Variants in CDH11 observed in about 807,000 individuals in gnomAD.
The protein encoded by CDH11 is cadherin 11.
In CDH11, 11 loss-of-function variants were observed where a neutral mutation model predicts 67.8. The observed-to-expected ratio is 0.16, with a 90% CI of 0.10 to 0.27. CDH11 has a LOEUF of 0.27. CDH11 is among the 10% of genes least tolerant of loss of function. The pLI is 1.00. For missense variants in CDH11, 847 were observed against 1,031.2 expected (o/e 0.82, Z 2.45); for synonymous variants, 419 against 400.0 (o/e 1.05, Z -0.57).
At chr16:64,974,002 G>T (rs1473794080) in intron 8 of CDH11, among the ~76,000 whole-genome samples, 2 of 152,096 alleles carry the variant, frequency 1.3e-5, no homozygotes, top group African/African-American at 4.8e-5. Flanking sequence ...ACAGCTTGAA[G>T]ATTTTAGTTA....
chr16:65,093,983 C>G (rs891295939), intron 1 of CDH11, among the ~76,000 whole-genome samples: 3 of 152,156 alleles, frequency 2.0e-5, no homozygotes, highest in Non-Finnish European at 2.9e-5. Flanking sequence ...AAGCAAGCCT[C>G]CAGGAGAAAG....
rs1430887428 is a variant in CDH11 at position 64,998,618 on chromosome 16, G to A, written c.467C>T (p.Pro156Leu). The change falls in exon 4 of 13, where the codon CCT becomes CTT. Residue 156 changes from proline to leucine, a missense_variant. Coordinates refer to ENST00000268603, the MANE Select transcript of CDH11 (RefSeq NM_001797.4). The part of the protein sequence containing the change: ...IVKVQDINDN[P>L]PEFLHETYHA... The stretch of plus-strand genomic sequence containing the variant: ...ATAGGTCTCGTGCAGGAACTCCGGA[G>A]GGTTGTCATTAATGTCCTGGACCTT... The A allele has an allele frequency of 6.8e-6, 11 of 1,614,088 alleles. No homozygotes were observed. Among genetic ancestry groups the A allele is most frequent in the Non-Finnish European group, 9.3e-6 (11 of 1,180,034 alleles).
chr16:65,078,846 A>T (rs925131143), intron 1 of CDH11, among the ~76,000 whole-genome samples: 4 of 152,216 alleles, frequency 2.6e-5, no homozygotes, highest in Non-Finnish European at 5.9e-5. Context: ...TATTTGGCAG[A>T]ATGTCAACCA....
At chr16:64,966,153 G>A (rs1019368751) in intron 11 of CDH11, among the ~76,000 whole-genome samples, 3 of 151,976 alleles carry the variant, frequency 2.0e-5, no homozygotes, top group Admixed American at 6.6e-5. Flanking sequence ...AAAATGTAAA[G>A]TAGCTAACCA....
intron 2 of CDH11, among the ~76,000 whole-genome samples, chr16:65,011,422 T>G (rs2073182613): frequency 6.6e-6 from 1 of 152,126 alleles, no homozygotes; most frequent in Non-Finnish European, 1.5e-5. Flanking sequence ...TTCCACTTAT[T>G]TTTTAAGTAA....
intron 2 of CDH11, among the ~76,000 whole-genome samples, chr16:65,038,220 G>A (rs557120412): frequency 2.0e-5 from 3 of 152,068 alleles, no homozygotes; most frequent in Admixed American, 6.6e-5. Context: ...ATTACAAGCA[G>A]AGCTTTTGTT....
At chr16:64,971,540 G>A (rs781186581) in intron 11 of CDH11, 39 bp downstream of exon 11, 1 of 1,216,952 alleles carries the variant, frequency 8.2e-7, no homozygotes. Flanking sequence ...TTGTTTTCCA[G>A]TTCTACTTCT....
At position 64,988,282 on chromosome 16, in the gene CDH11, C is replaced by T; in HGVS notation, c.874G>A (p.Ala292Thr). ...TTTTCTCCAATGTCTGGATCTTTAGCTTTCACTCTTCCTACTTCCTCCCCA... is the reference window on the plus strand; with the variant it reads ...TTTTCTCCAATGTCTGGATCTTTAGTTTTCACTCTTCCTACTTCCTCCCCA... ...VPGEEVGRVK[A>T]KDPDIGENGL... Residue 292 changes from alanine to threonine, a missense_variant, in exon 7 of 13, where the codon GCT becomes ACT. Physicochemically the swap from Ala to Thr is moderately conservative, Grantham distance 58. Transcript: ENST00000268603. 6.2e-7 allele frequency: 1 copy of T among 1,613,732 alleles called. No homozygotes were observed. The highest frequency in any genetic ancestry group is 8.5e-7 in the Non-Finnish European group (1 of 1,179,768).
chr16:64,980,506 G>A (rs1259448984), intron 8 of CDH11, among the ~76,000 whole-genome samples: 1 of 152,116 alleles, frequency 6.6e-6, no homozygotes, highest in Non-Finnish European at 1.5e-5. Context: ...AAGTGGAGAT[G>A]GAGAAAATGA....
intron 11 of CDH11, among the ~76,000 whole-genome samples, chr16:64,966,844 A>G (rs560734618): frequency 3.3e-5 from 5 of 152,312 alleles, no homozygotes; most frequent in Non-Finnish European, 7.4e-5. Flanking sequence ...TGCAGTAGGT[A>G]TGGTAGGTCA....
At chr16:65,001,078 T>G (rs1271083264) in intron 3 of CDH11, among the ~76,000 whole-genome samples, 2 of 152,120 alleles carry the variant, frequency 1.3e-5, no homozygotes, top group Non-Finnish European at 2.9e-5. Flanking sequence ...AATTTTGTAT[T>G]GTTTCAATAT....
chr16:64,984,104 G>C (rs991814498), intron 7 of CDH11, among the ~76,000 whole-genome samples: 3 of 152,168 alleles, frequency 2.0e-5, no homozygotes, highest in Non-Finnish European at 4.4e-5. Flanking sequence ...AGTTTGGCGA[G>C]ATTCCAAGTC....
At chr16:64,985,729 T>C (rs1435583301) in intron 7 of CDH11, 1 of 147,830 alleles carries the variant, frequency 6.8e-6, no homozygotes, top group Admixed American at 6.9e-5. Flanking sequence ...TTGGGTGGGG[T>C]AGAGCACGTG....
intron 1 of CDH11, among the ~76,000 whole-genome samples, chr16:65,065,180 C>T (rs1410713162): frequency 6.6e-6 from 1 of 152,096 alleles, no homozygotes; most frequent in Non-Finnish European, 1.5e-5. Flanking sequence ...AGTCTAAAGC[C>T]CTACAGGAAA....
intron 11 of CDH11, among the ~76,000 whole-genome samples, chr16:64,967,577 C>T (rs2071875614): frequency 1.3e-5 from 2 of 152,026 alleles, no homozygotes; most frequent in East Asian, 1.9e-4. Flanking sequence ...ATTATATATC[C>T]TCATAGTTGA....
intron 11 of CDH11, among the ~76,000 whole-genome samples, chr16:64,961,673 C>T (rs2071679605): frequency 6.6e-6 from 1 of 152,054 alleles, no homozygotes; most frequent in Non-Finnish European, 1.5e-5. Flanking sequence ...AATCTCTAGG[C>T]CTTGCCTTTT....
intron 1 of CDH11, chr16:65,059,481 G>A (rs1293012531): frequency 6.6e-6 from 1 of 152,182 alleles, no homozygotes; most frequent in African/African-American, 2.4e-5. Flanking sequence ...ATGGACGGGC[G>A]TAGAGAGAGT....
intron 2 of CDH11, among the ~76,000 whole-genome samples, chr16:65,035,385 TG>T (rs1043049059): frequency 2.0e-5 from 3 of 152,174 alleles, no homozygotes; most frequent in African/African-American, 7.2e-5. Flanking sequence ...CATGAGCAGC[TG>T]GTATTCAAGC....
chr16:65,012,497 C>G (rs1042236881), intron 2 of CDH11, among the ~76,000 whole-genome samples: 2 of 152,196 alleles, frequency 1.3e-5, no homozygotes, highest in African/African-American at 4.8e-5. Flanking sequence ...CAAGTGACAT[C>G]TCATGACTAA....
Sources: gnomAD v4.1 joint callset for allele counts (sites outside exome capture counted in the v4.1 genomes callset) on GRCh38, gnomAD v4.1.1 for gene constraint, MANE v1.5 for transcripts, NCBI Gene and HGNC (gene_info 2026-07-23, HGNC 2026-07-21) for gene names.